ME1: variants seen among roughly 807,000 people sequenced by gnomAD.
ME1 encodes the protein NADP-dependent malic enzyme.
In ME1, 74 loss-of-function variants were observed where a neutral mutation model predicts 66.4. The observed-to-expected ratio is 1.11, with a 90% CI of 0.92 to 1.35. ME1 has a LOEUF of 1.35. Among genes scored for constraint, ME1 ranks in the 40% most tolerant of loss-of-function variants. The pLI is 0.00. For missense variants in ME1, 750 were observed against 694.1 expected (o/e 1.08, Z -0.90); for synonymous variants, 251 against 235.6 (o/e 1.07, Z -0.60).
intron 7 of ME1, among the ~76,000 whole-genome samples, chr6:83,243,415 G>C (rs1332654503): frequency 2.6e-5 from 3 of 115,904 alleles, no homozygotes; most frequent in Non-Finnish European, 5.0e-5. Context: ...TATATAATTA[G>C]ATTATATTTA....
At chr6:83,430,783 C>A (rs1770470394) in intron 1 of ME1, 94 bp downstream of exon 1, 4 of 1,127,550 alleles carry the variant, frequency 3.5e-6, no homozygotes, top group Non-Finnish European at 2.6e-6. Context: ...AGGGGAGCGG[C>A]GGAGGGGCGA....
At chr6:83,274,899 A>G (rs1767148138) in intron 6 of ME1, among the ~76,000 whole-genome samples, 2 of 152,218 alleles carry the variant, frequency 1.3e-5, no homozygotes, top group South Asian at 4.1e-4. Flanking sequence ...ACTCCCAGTG[A>G]TATTTTACAA....
At chr6:83,295,016 A>T (rs1767572104) in intron 6 of ME1, among the ~76,000 whole-genome samples, 1 of 152,196 alleles carries the variant, frequency 6.6e-6, no homozygotes, top group Non-Finnish European at 1.5e-5. Flanking sequence ...AGAGGAACCC[A>T]CTTTCAGAGC....
intron 5 of ME1, among the ~76,000 whole-genome samples, chr6:83,324,278 C>T (rs549442685): frequency 2.6e-5 from 4 of 151,422 alleles, no homozygotes; most frequent in African/African-American, 9.7e-5. Context: ...ATTAAAAGAA[C>T]TAGAGAAGCA....
At chr6:83,364,639 A>G (rs1769065397) in intron 3 of ME1, among the ~76,000 whole-genome samples, 1 of 152,142 alleles carries the variant, frequency 6.6e-6, no homozygotes. Context: ...GGCCAACCCA[A>G]TGGACAGAGC....
intron 6 of ME1, among the ~76,000 whole-genome samples, chr6:83,276,296 A>G (rs895288479): frequency 6.6e-6 from 1 of 152,238 alleles, no homozygotes; most frequent in African/African-American, 2.4e-5. Flanking sequence ...CTTTGTTTCA[A>G]AAGTCAGCAT....
chr6:83,383,606 CTTAT>C (rs1476177988), intron 3 of ME1, among the ~76,000 whole-genome samples: 1 of 151,708 alleles, frequency 6.6e-6, no homozygotes, highest in African/African-American at 2.4e-5. Flanking sequence ...TAAAAATGAA[CTTAT>C]TTAAAGAGGG....
At chr6:83,378,702 A>ATG (rs974495271) in intron 3 of ME1, among the ~76,000 whole-genome samples, 7 of 149,132 alleles carry the variant, frequency 4.7e-5, no homozygotes, top group Admixed American at 4.7e-4. Flanking sequence ...AACCAATTCA[A>ATG]TGTGGCAGTT....
chr6:83,413,434 A>T (rs960886271), intron 1 of ME1, among the ~76,000 whole-genome samples: 1 of 152,054 alleles, frequency 6.6e-6, no homozygotes, highest in Non-Finnish European at 1.5e-5. Context: ...AATTATATAT[A>T]TTTTATTAAT....
chr6:83,282,402 TAAAC>T (rs1344494641), intron 6 of ME1, among the ~76,000 whole-genome samples: 2 of 152,068 alleles, frequency 1.3e-5, no homozygotes, highest in East Asian at 3.9e-4. Flanking sequence ...ACAAAGAACT[TAAAC>T]AAACTTACAA....
chr6:83,263,369 A>T (rs1766931286), intron 6 of ME1, among the ~76,000 whole-genome samples: 1 of 152,144 alleles, frequency 6.6e-6, no homozygotes, highest in African/African-American at 2.4e-5. Flanking sequence ...CAAAAGCTTG[A>T]AATGGTTAAG....
intron 3 of ME1, among the ~76,000 whole-genome samples, chr6:83,358,727 C>T (rs1583399679): frequency 6.6e-6 from 1 of 152,106 alleles, no homozygotes; most frequent in East Asian, 1.9e-4. Flanking sequence ...GAACAGCTTC[C>T]CCATCTCCAG....
intron 7 of ME1, among the ~76,000 whole-genome samples, chr6:83,243,432 T>C (rs1272944341): frequency 1.6e-5 from 2 of 125,028 alleles, no homozygotes; most frequent in Non-Finnish European, 3.2e-5. Flanking sequence ...TTTATATATT[T>C]ATATAATATA....
At chr6:83,343,848 A>G (rs1251975835) in intron 5 of ME1, among the ~76,000 whole-genome samples, 1 of 152,238 alleles carries the variant, frequency 6.6e-6, no homozygotes, top group Non-Finnish European at 1.5e-5. Flanking sequence ...CTTTCATGAA[A>G]TCAACTCTTT....
At chr6:83,423,671 T>C (rs979137626) in intron 1 of ME1, among the ~76,000 whole-genome samples, 31 of 151,958 alleles carry the variant, frequency 2.0e-4, no homozygotes, top group Admixed American at 3.3e-4. Context: ...TGGTAGCACA[T>C]GCCTGTAGTC....
chr6:83,214,247 C>G (rs1483565623), intron 13 of ME1, among the ~76,000 whole-genome samples: 2 of 152,154 alleles, frequency 1.3e-5, no homozygotes, highest in Non-Finnish European at 2.9e-5. Context: ...TCTTTCTGCT[C>G]CCAGTTATAC....
At position 83,237,639 on chromosome 6, in the gene ME1, G is replaced by C. The variant is rs796614812; in HGVS notation, c.1026+78C>G. On this transcript the variant is annotated intron_variant, in intron 9 of 13. Coordinates refer to ENST00000369705, the MANE Select transcript of ME1 (RefSeq NM_002395.6). ...TAATATAGTGTAAAGGGAGGTGGTA[G>C]AAACAGAGTTGTCTTTGAGATGGCC... is the stretch of plus-strand genomic sequence containing the variant. 22 of 689,718 alleles carry C rather than the reference G, an allele frequency of 3.2e-5. No homozygotes were observed. In the African/African-American group the frequency reaches 3.4e-4, roughly 11 times the overall value. 42.7% of individuals were successfully genotyped at this position (689,718 alleles called of 1,614,324 possible).
chr6:83,358,590 GT>G (rs1768944938), intron 3 of ME1, among the ~76,000 whole-genome samples: 1 of 152,134 alleles, frequency 6.6e-6, no homozygotes, highest in South Asian at 2.1e-4. Context: ...GGTGTCTACT[GT>G]TAAAGTGAGG....
intron 6 of ME1, among the ~76,000 whole-genome samples, chr6:83,285,516 C>T (rs1052903001): frequency 5.3e-5 from 8 of 151,990 alleles, no homozygotes; most frequent in African/African-American, 1.9e-4. Context: ...GTGATACATG[C>T]TGTAGAGAAG....
Sources: allele counts gnomAD v4.1 joint callset (sites outside exome capture counted in the v4.1 genomes callset), GRCh38; gene constraint gnomAD v4.1.1; transcripts MANE v1.5; gene names NCBI Gene and HGNC (gene_info 2026-07-23, HGNC 2026-07-21).